Variants in PPFIA2 observed in about 807,000 individuals in gnomAD.
The protein encoded by PPFIA2 is PPFI scaffold protein A2.
In PPFIA2, 46 loss-of-function variants were observed where a neutral mutation model predicts 175.5. That is an observed-to-expected ratio of 0.26 (90% CI 0.21 to 0.34). The LOEUF is 0.34. PPFIA2 is among the 10% of genes least tolerant of loss of function. PPFIA2 has a pLI of 1.00. For missense variants in PPFIA2, 1,179 were observed against 1,506.1 expected (o/e 0.78, Z 3.60); for synonymous variants, 568 against 511.4 (o/e 1.11, Z -1.49).
chr12:81,315,181 G>C (rs754506555), intron 22 of PPFIA2, among the ~76,000 whole-genome samples: 2 of 151,816 alleles, frequency 1.3e-5, no homozygotes, highest in African/African-American at 2.4e-5. Flanking sequence ...TTTCTAACAA[G>C]AGTTGCAGAG....
chr12:81,304,505 T>C (rs1256659490), intron 22 of PPFIA2, among the ~76,000 whole-genome samples: 1 of 152,216 alleles, frequency 6.6e-6, no homozygotes, highest in African/African-American at 2.4e-5. Flanking sequence ...ACTAAGGCAG[T>C]AAAGTAGGCA....
At chr12:81,469,840 G>A (rs914349196) in intron 4 of PPFIA2, among the ~76,000 whole-genome samples, 1 of 152,196 alleles carries the variant, frequency 6.6e-6, no homozygotes, top group Non-Finnish European at 1.5e-5. Flanking sequence ...ATGAAGTCAT[G>A]AGTGTAGTGC....
chr12:81,437,199 G>GT (rs1482349915), intron 7 of PPFIA2, among the ~76,000 whole-genome samples: 5 of 152,072 alleles, frequency 3.3e-5, no homozygotes, highest in African/African-American at 1.2e-4. Context: ...TATAATTGAA[G>GT]TAACTACTTA....
chr12:81,350,289 G>C (rs370352950), intron 17 of PPFIA2: 16 of 152,214 alleles, frequency 1.1e-4, no homozygotes, highest in African/African-American at 2.9e-4. Flanking sequence ...TTTCTATTTA[G>C]AGTAATCAAA....
At chr12:81,333,686 C>A (rs1008969784) in intron 21 of PPFIA2, among the ~76,000 whole-genome samples, 1 of 151,980 alleles carries the variant, frequency 6.6e-6, no homozygotes, top group Non-Finnish European at 1.5e-5. Flanking sequence ...GAATTTAGAT[C>A]CCACTTACAT....
At chr12:81,296,448 A>ATCACGGGCATTATATT (rs1250165543) in intron 23 of PPFIA2, among the ~76,000 whole-genome samples, 1 of 152,244 alleles carries the variant, frequency 6.6e-6, no homozygotes, top group East Asian at 1.9e-4. Flanking sequence ...GTGAATGCCA[A>ATCACGGGCATTATATT]TCACGGGCAT....
At chr12:81,500,388 T>C (rs1368850089) in intron 4 of PPFIA2, among the ~76,000 whole-genome samples, 1 of 152,218 alleles carries the variant, frequency 6.6e-6, no homozygotes, top group African/African-American at 2.4e-5. Flanking sequence ...TCATAAATTG[T>C]GCTGAATGAA....
rs530622977 is a variant in PPFIA2 at position 81,323,331 on chromosome 12, G to C, written c.2642+2446C>G. Among the ~76,000 whole-genome samples, 53 of 152,228 alleles carry C rather than the reference G, an allele frequency of 3.5e-4. 1 individual carries two copies. Among genetic ancestry groups the C allele is most frequent in the Admixed American group, 7.2e-4 (11 of 15,262 alleles). On this transcript the variant is annotated intron_variant, in intron 22 of 32. Transcript: ENST00000549396. ...AAGTCTTGGAAACACCATTTTGCCA[G>C]TCCAATGGATAGAATTTAGAAACAA... is the stretch of plus-strand genomic sequence containing the variant.
intron 7 of PPFIA2, among the ~76,000 whole-genome samples, chr12:81,437,108 G>A (rs1160269641): frequency 6.6e-6 from 1 of 152,034 alleles, no homozygotes; most frequent in Non-Finnish European, 1.5e-5. Flanking sequence ...AATAATACTC[G>A]AGGGATAAAA....
At chr12:81,518,543 T>G (rs1487005904) in intron 4 of PPFIA2, among the ~76,000 whole-genome samples, 1 of 152,188 alleles carries the variant, frequency 6.6e-6, no homozygotes, top group African/African-American at 2.4e-5. Context: ...AGCACTTTCT[T>G]ACTGACACCT....
chr12:81,647,688 G>A (rs2066344606), intron 4 of PPFIA2, among the ~76,000 whole-genome samples: 1 of 150,368 alleles, frequency 6.7e-6, no homozygotes, highest in African/African-American at 2.4e-5. Flanking sequence ...GTGAACCGGG[G>A]TGGTGGAGCT....
intron 4 of PPFIA2, among the ~76,000 whole-genome samples, chr12:81,566,659 G>A (rs1262516738): frequency 6.6e-6 from 1 of 151,954 alleles, no homozygotes; most frequent in Non-Finnish European, 1.5e-5. Context: ...TTCAAGAGAA[G>A]GACACATTTT....
chr12:81,309,719 T>C (rs10778810), intron 22 of PPFIA2, among the ~76,000 whole-genome samples: 93,210 of 151,880 alleles, frequency 0.61, 30,077 homozygotes, highest in Non-Finnish European at 0.73. Flanking sequence ...AAACCGTTTA[T>C]CTTCAAGCTT....
chr12:81,750,797 G>A (rs1199011245), intron 3 of PPFIA2, among the ~76,000 whole-genome samples: 1 of 152,074 alleles, frequency 6.6e-6, no homozygotes, highest in Non-Finnish European at 1.5e-5. Context: ...CAATCACCAA[G>A]ACCTAATAGC....
chr12:81,456,540 T>C (rs981450908), intron 5 of PPFIA2, among the ~76,000 whole-genome samples: 10 of 152,222 alleles, frequency 6.6e-5, no homozygotes, highest in African/African-American at 2.4e-4. Context: ...CTAAGACTCA[T>C]AAAGTGAATA....
intron 4 of PPFIA2, among the ~76,000 whole-genome samples, chr12:81,627,544 C>T (rs957339490): frequency 1.1e-4 from 16 of 152,184 alleles, no homozygotes; most frequent in African/African-American, 3.6e-4. Flanking sequence ...ATCTGATTCC[C>T]GTGTCACACA....
intron 22 of PPFIA2, among the ~76,000 whole-genome samples, chr12:81,313,795 A>G (rs940714009): frequency 1.3e-5 from 2 of 152,212 alleles, no homozygotes; most frequent in South Asian, 2.1e-4. Flanking sequence ...CCTACTAGCT[A>G]TCTAGGAATC....
In PPFIA2 at chr12:81,751,168, C is replaced by T. The variant is rs75443155; in HGVS notation, c.249+2805G>A. Among the ~76,000 whole-genome samples, 95 of 151,830 alleles carry T rather than the reference C, an allele frequency of 6.3e-4. 1 individual carries two copies. The highest frequency in any genetic ancestry group is 1.7e-3 in the African/African-American group (70 of 41,386). ...AAGATGATTATCACTGTCTAAGGAC[C>T]TGTGGATTTCTAGGGGTACTCAGAT... On this transcript the variant is annotated intron_variant, in intron 3 of 32. Transcript: ENST00000549396.
intron 17 of PPFIA2, among the ~76,000 whole-genome samples, chr12:81,349,085 G>A (rs1021390685): frequency 2.6e-5 from 4 of 152,118 alleles, no homozygotes; most frequent in African/African-American, 9.7e-5. Context: ...CGTTTACTAT[G>A]GGAAGTTGAG....
Sources: allele counts gnomAD v4.1 joint callset (sites outside exome capture counted in the v4.1 genomes callset), GRCh38; gene constraint gnomAD v4.1.1; transcripts MANE v1.5; gene names NCBI Gene and HGNC (gene_info 2026-07-23, HGNC 2026-07-21).